The following MAEL variants were observed in gnomAD, a reference collection of about 807,000 sequenced individuals.
MAEL encodes the protein maelstrom spermatogenic transposon silencer.
In MAEL, 46 loss-of-function variants were observed where a neutral mutation model predicts 62.0. The observed-to-expected ratio is 0.74, with a 90% CI of 0.59 to 0.95. The LOEUF is 0.95. MAEL is among the 40% of genes least tolerant of loss of function. MAEL has a pLI of 0.00. For missense variants in MAEL, 497 were observed against 526.8 expected, an observed-to-expected ratio of 0.94 and a Z score of 0.55; for synonymous variants, 172 against 175.5, an observed-to-expected ratio of 0.98 and a Z score of 0.16.
chr1:166,996,796 C>G (rs1664444360), intron 5 of MAEL, among the ~76,000 whole-genome samples: 1 of 152,206 alleles, frequency 6.6e-6, no homozygotes. Context: ...TTGTATGTTT[C>G]AGGGTGCCCA....
At chr1:166,985,687 A>C, upstream of MAEL, among the ~76,000 whole-genome samples, 1 of 152,250 alleles carries the variant, frequency 6.6e-6, no homozygotes. Flanking sequence ...CTGTGTCCCA[A>C]AACAAAGCCC....
chr1:167,017,767 C>A, intron 9 of MAEL, 60 bp from the exon 10 acceptor site: 1 of 1,482,622 alleles, frequency 6.7e-7, no homozygotes, highest in Non-Finnish European at 9.2e-7. Flanking sequence ...TTTTAAAATA[C>A]AAATACTTTT....
Position 167,016,343 on chromosome 1 carries a change from C to T in MAEL, c.908+59C>T, listed in dbSNP as rs983511742. On this transcript the variant is annotated intron_variant, in intron 9 of 11. Coordinates refer to ENST00000367872, the MANE Select transcript of MAEL (RefSeq NM_032858.3). ...GTATTCTGATTAAATTATTCTGTGC[C>T]GTTTTGCTTGCTATAGCTTTGGCAA... is the stretch of plus-strand genomic sequence containing the variant. 92 of 1,533,084 alleles carry T rather than the reference C, an allele frequency of 6.0e-5. No homozygotes were observed. The East Asian group carries it at 1.5e-3, about 25-fold the overall frequency. The allele number at this position is 1,533,084 out of a possible 1,614,324, so 95.0% of individuals were successfully genotyped here.
intron 5 of MAEL, among the ~76,000 whole-genome samples, chr1:166,999,810 T>A (rs1664585157): frequency 6.6e-6 from 1 of 152,226 alleles, no homozygotes; most frequent in Non-Finnish European, 1.5e-5. Flanking sequence ...AGGGCTCATT[T>A]ACCCATTCTG....
intron 6 of MAEL, among the ~76,000 whole-genome samples, 179 bp downstream of exon 6, chr1:167,004,483 T>C (rs1664807317): frequency 6.8e-6 from 1 of 146,736 alleles, no homozygotes; most frequent in South Asian, 2.1e-4. Flanking sequence ...GTCTCCAATT[T>C]TGGAGGGATT....
chr1:167,006,415 G>C (rs1252395341), intron 8 of MAEL, among the ~76,000 whole-genome samples: 2 of 151,544 alleles, frequency 1.3e-5, no homozygotes, highest in East Asian at 3.9e-4. Context: ...TTTCCTCATG[G>C]TTAAATTGAG....
upstream of MAEL, among the ~76,000 whole-genome samples, chr1:166,985,244 A>G (rs1316429851): frequency 6.6e-6 from 1 of 152,072 alleles, no homozygotes; most frequent in Admixed American, 6.6e-5. Flanking sequence ...AGTTGAGGAG[A>G]TGGAGGTGGG....
At chr1:167,021,623 T>G in intron 11 of MAEL, 45 bp from the exon 12 acceptor site, 1 of 1,351,154 alleles carries the variant, frequency 7.4e-7, no homozygotes, top group Non-Finnish European at 1.0e-6. Flanking sequence ...TGTAATAAAA[T>G]TATAAAATTG....
At chr1:166,988,624 T>C (rs1325394162), upstream of MAEL, among the ~76,000 whole-genome samples, 1 of 152,044 alleles carries the variant, frequency 6.6e-6, no homozygotes, top group African/African-American at 2.4e-5. Context: ...CAATACCTTC[T>C]CTAGACATCA....
At chr1:166,980,987 A>C (rs1232230873) in intron 1 of MAEL, among the ~76,000 whole-genome samples, 1 of 152,160 alleles carries the variant, frequency 6.6e-6, no homozygotes, top group African/African-American at 2.4e-5. Flanking sequence ...TGAGAGAGGG[A>C]AATGAGCCAG....
At position 167,004,190 on chromosome 1, in the gene MAEL, T is replaced by C; in HGVS notation, c.534T>C (p.Ser178=). The change falls in exon 6 of 12, where the codon AGT becomes AGC. Residue 178 remains serine, a synonymous_variant. Coordinates refer to ENST00000367872, the MANE Select transcript of MAEL (RefSeq NM_032858.3). ...TTTTATTTCCCTCAGGTGATTCTAG[T>C]CACAAGATTCCTATTTCAAATTTTG... ...RFHCQAASDS[S]HKIPISNFER... The C allele has an allele frequency of 6.2e-7, 1 of 1,607,636 alleles. No individual in the cohort carries two copies. Among genetic ancestry groups the C allele is most frequent in the Non-Finnish European group, 8.5e-7 (1 of 1,177,438 alleles).
chr1:167,018,472 T>C (rs1276078952), intron 10 of MAEL, among the ~76,000 whole-genome samples: 1 of 152,166 alleles, frequency 6.6e-6, no homozygotes, highest in Non-Finnish European at 1.5e-5. Context: ...TACATACAAG[T>C]TTTGTGACTT....
upstream of MAEL, chr1:166,989,214 C>A: frequency 8.7e-7 from 1 of 1,153,598 alleles, no homozygotes; most frequent in South Asian, 1.6e-5. Flanking sequence ...CGGGGCAATG[C>A]GACTGCGCGT....
chr1:166,989,225 C>T (rs1171517997), upstream of MAEL: 58 of 1,258,828 alleles, frequency 4.6e-5, no homozygotes, highest in Non-Finnish European at 6.1e-5. Context: ...GACTGCGCGT[C>T]GCTTCCTGAT....
At chr1:167,013,161 G>A (rs536767969) in intron 8 of MAEL, among the ~76,000 whole-genome samples, 7 of 152,290 alleles carry the variant, frequency 4.6e-5, no homozygotes, top group South Asian at 4.1e-4. Context: ...AGCAACTGTC[G>A]TCCTGCTAGA....
chr1:167,020,352 C>A (rs1057124749), intron 10 of MAEL, among the ~76,000 whole-genome samples: 1 of 152,084 alleles, frequency 6.6e-6, no homozygotes, highest in Non-Finnish European at 1.5e-5. Flanking sequence ...ACATGTAACT[C>A]TTCACCTACT....
At chr1:166,987,140 G>C (rs1357294955), upstream of MAEL, among the ~76,000 whole-genome samples, 1 of 152,124 alleles carries the variant, frequency 6.6e-6, no homozygotes, top group Non-Finnish European at 1.5e-5. Flanking sequence ...AATTAAGGTA[G>C]AGAACATTTC....
chr1:167,011,341 C>G (rs1665165356), intron 8 of MAEL, among the ~76,000 whole-genome samples: 1 of 151,830 alleles, frequency 6.6e-6, no homozygotes, highest in Non-Finnish European at 1.5e-5. Flanking sequence ...TTTTGTTTTC[C>G]CCACGTTTGT....
intron 8 of MAEL, among the ~76,000 whole-genome samples, chr1:167,006,307 A>T (rs1298336214): frequency 1.3e-5 from 2 of 152,014 alleles, no homozygotes; most frequent in Non-Finnish European, 2.9e-5. Context: ...TTTAATCTGG[A>T]ACAGTTCTTC....
Sources: gnomAD v4.1 joint callset for allele counts (sites outside exome capture counted in the v4.1 genomes callset) on GRCh38, gnomAD v4.1.1 for gene constraint, MANE v1.5 for transcripts, NCBI Gene and HGNC (gene_info 2026-07-23, HGNC 2026-07-21) for gene names.